The following ARMC8 variants were observed in gnomAD, a reference collection of about 807,000 sequenced individuals.
ARMC8 encodes the protein armadillo repeat-containing protein 8.
A neutral mutation model predicts 99.3 loss-of-function variants in ARMC8; 20 were observed. The ratio of observed to expected loss-of-function variants is 0.20; its 90% CI spans 0.14 to 0.29. ARMC8 has a LOEUF of 0.29. Ranked by LOEUF, ARMC8 falls within the 10% of genes least tolerant of loss-of-function variation. The pLI, the probability that ARMC8 is intolerant of heterozygous loss-of-function variation, is 1.00. For synonymous variants in ARMC8, 263 were observed against 278.3 expected (o/e 0.95, Z 0.55); for missense variants, 569 against 809.5 (o/e 0.70, Z 3.60).
chr3:138,255,949 G>C (rs1413283682), intron 12 of ARMC8, among the ~76,000 whole-genome samples: 1 of 152,240 alleles, frequency 6.6e-6, no homozygotes, highest in Admixed American at 6.5e-5. Flanking sequence ...CTGGGCGACA[G>C]AGTGAGACTC....
At chr3:138,283,246 T>G (rs562665657) in intron 18 of ARMC8, among the ~76,000 whole-genome samples, 1 of 152,340 alleles carries the variant, frequency 6.6e-6, no homozygotes, top group African/African-American at 2.4e-5. Flanking sequence ...ATTTTGGGGC[T>G]TGGGCCACTG....
chr3:138,277,063 G>C (rs1443212032), intron 18 of ARMC8, among the ~76,000 whole-genome samples: 5 of 152,092 alleles, frequency 3.3e-5, no homozygotes, highest in African/African-American at 1.2e-4. Flanking sequence ...TATGGTCTTA[G>C]CAAAAAAAGA....
In ARMC8 at chr3:138,237,523, A is replaced by T; in HGVS notation, c.727A>T (p.Met243Leu). 1 of 1,613,900 alleles carries T rather than the reference A, an allele frequency of 6.2e-7. No individual in the cohort carries two copies. The highest frequency in any genetic ancestry group is 1.3e-5 in the African/African-American group (1 of 75,032). ...ATTGTTACCACAGATTTTTGTGAAG[A>T]TGTTACAGAGGGATAAGCCTATTGA... ...GELLPQIFVK[M>L]LQRDKPIEMQ... Residue 243 changes from methionine (M) to leucine (L), a missense_variant, in exon 9 of 22, where the codon ATG (methionine) becomes TTG (leucine). Met to Leu is a conservative substitution (Grantham distance 15). Transcript: ENST00000469044.
At chr3:138,208,922 C>G (rs2108022842) in intron 1 of ARMC8, among the ~76,000 whole-genome samples, 1 of 152,338 alleles carries the variant, frequency 6.6e-6, no homozygotes, top group African/African-American at 2.4e-5. Context: ...CCACCCTTAT[C>G]CAGTTCAGTT....
intron 5 of ARMC8, chr3:138,228,600 T>G: frequency 2.3e-6 from 1 of 435,974 alleles, no homozygotes; most frequent in South Asian, 1.7e-5. Context: ...CCTCACATTT[T>G]GGTTTCAGAA....
intron 18 of ARMC8, among the ~76,000 whole-genome samples, chr3:138,275,343 G>C (rs576593719): frequency 3.9e-5 from 6 of 152,108 alleles, no homozygotes; most frequent in Non-Finnish European, 5.9e-5. Context: ...GGATCACGAG[G>C]TCAGGAGATC....
intron 18 of ARMC8, among the ~76,000 whole-genome samples, chr3:138,276,924 A>C (rs1177640848): frequency 6.6e-6 from 1 of 152,246 alleles, no homozygotes; most frequent in African/African-American, 2.4e-5. Flanking sequence ...ATAGATTTTA[A>C]AATCTGTATG....
Position 138,249,037 on chromosome 3 carries a change from G to A in ARMC8, c.1134+3854G>A, listed in dbSNP as rs58928194. On this transcript the variant is annotated intron_variant, in intron 12 of 21. Coordinates refer to ENST00000469044, the MANE Select transcript of ARMC8 (RefSeq NM_001363941.2). ...GAGGGCAGGGATTTATTTGTGTTTT[G>A]TTCATTAATGTATTCCCAGCATCTA... Among the ~76,000 whole-genome samples, 1,163 of 152,194 alleles carry A rather than the reference G, an allele frequency of 7.6e-3. 16 individuals carry two copies. The highest frequency in any genetic ancestry group is 0.027 in the African/African-American group (1,109 of 41,530).
At chr3:138,209,948 A>G (rs2044601429) in intron 2 of ARMC8, 55 bp downstream of exon 2, 1 of 1,346,178 alleles carries the variant, frequency 7.4e-7, no homozygotes, top group Non-Finnish European at 1.1e-6. Flanking sequence ...TCATGTTTTA[A>G]TCTGCCACAT....
At chr3:138,219,038 G>A (rs1463636122) in intron 2 of ARMC8, among the ~76,000 whole-genome samples, 1 of 152,098 alleles carries the variant, frequency 6.6e-6, no homozygotes, top group African/African-American at 2.4e-5. Context: ...AAAACAGTTG[G>A]CATAAAAGAC....
chr3:138,272,839 A>G (rs1440974441), intron 16 of ARMC8, 128 bp from the exon 17 acceptor site: 2 of 835,276 alleles, frequency 2.4e-6, no homozygotes, highest in Non-Finnish European at 3.3e-6. Flanking sequence ...GCCACTGCAC[A>G]CCAGCCTGGG....
At chr3:138,190,709 T>C (rs376127087) in intron 1 of ARMC8, among the ~76,000 whole-genome samples, 5 of 152,236 alleles carry the variant, frequency 3.3e-5, no homozygotes, top group Non-Finnish European at 7.3e-5. Context: ...TTTGTACATA[T>C]GAATTTTAAC....
chr3:138,296,122 C>T lies in ARMC8; in HGVS notation c.*230C>T, dbSNP rs2051461139. The T allele has an allele frequency of 4.2e-6, 2 of 477,862 alleles. No homozygotes were observed. The highest frequency in any genetic ancestry group is 4.0e-5 in the African/African-American group (2 of 50,116). 29.6% of individuals were successfully genotyped at this position (477,862 alleles called of 1,614,324 possible). A position where few individuals can be genotyped will look rare whatever the true frequency, so the allele number is the denominator to read the frequency against. On this transcript the variant is annotated 3_prime_UTR_variant, in exon 22 of 22. Coordinates refer to ENST00000469044, the MANE Select transcript of ARMC8 (RefSeq NM_001363941.2). ...TTTTGTTTTGGTTTTTTTTTCTGAG[C>T]TACTCGGACTCTTTATTAGAACAAT...
intron 11 of ARMC8, among the ~76,000 whole-genome samples, 185 bp from the exon 12 acceptor site, chr3:138,244,903 T>G (rs570180535): frequency 3.9e-5 from 6 of 152,366 alleles, no homozygotes; most frequent in Admixed American, 3.9e-4. Context: ...GTCACATTGA[T>G]ACGAACACTG....
intron 18 of ARMC8, among the ~76,000 whole-genome samples, chr3:138,277,441 CT>C (rs2049406361): frequency 6.6e-6 from 1 of 152,188 alleles, no homozygotes; most frequent in South Asian, 2.1e-4. Context: ...GTGAAATGCA[CT>C]GTTAAGAGAC....
At chr3:138,286,511 A>C (rs764327600) in intron 19 of ARMC8, among the ~76,000 whole-genome samples, 1 of 151,868 alleles carries the variant, frequency 6.6e-6, no homozygotes, top group African/African-American at 2.4e-5. Context: ...ATACCTCCCT[A>C]CCTATCTCTG....
intron 1 of ARMC8, among the ~76,000 whole-genome samples, chr3:138,207,139 A>G (rs931402758): frequency 1.1e-4 from 16 of 152,206 alleles, no homozygotes; most frequent in Admixed American, 1.0e-3. Flanking sequence ...TGATTGTGAC[A>G]TTGATTCTTT....
At chr3:138,189,180 A>G (rs1421169722) in intron 1 of ARMC8, among the ~76,000 whole-genome samples, 1 of 152,120 alleles carries the variant, frequency 6.6e-6, no homozygotes, top group Non-Finnish European at 1.5e-5. Context: ...CTTGGTAAAT[A>G]ATATTTTCTG....
At chr3:138,252,130 G>A (rs1559991610) in intron 12 of ARMC8, among the ~76,000 whole-genome samples, 1 of 152,186 alleles carries the variant, frequency 6.6e-6, no homozygotes, top group African/African-American at 2.4e-5. Context: ...ACTACAACCT[G>A]TGGGTACTGT....
Sources: gnomAD v4.1 joint callset for allele counts (sites outside exome capture counted in the v4.1 genomes callset) on GRCh38, gnomAD v4.1.1 for gene constraint, MANE v1.5 for transcripts, NCBI Gene and HGNC (gene_info 2026-07-23, HGNC 2026-07-21) for gene names.